The following HHAT variants were observed in gnomAD, a reference collection of about 807,000 sequenced individuals.
HHAT encodes hedgehog acyltransferase.
Under a neutral mutation model 70.8 loss-of-function variants are expected in HHAT, and 47 were observed. That is an observed-to-expected ratio of 0.66 (90% confidence interval 0.53 to 0.85). HHAT has a LOEUF of 0.85. HHAT is among the 40% of genes least tolerant of loss of function. The pLI is 0.00. For missense variants in HHAT, 609 were observed against 604.8 expected (o/e 1.01, Z -0.07); for synonymous variants, 228 against 247.6 (o/e 0.92, Z 0.74).
At chr1:210,581,072 C>T (rs1659159688) in intron 9 of HHAT, among the ~76,000 whole-genome samples, 1 of 152,062 alleles carries the variant, frequency 6.6e-6, no homozygotes, top group Non-Finnish European at 1.5e-5. Context: ...TTCTCTGATG[C>T]TGAGTGATGT....
chr1:210,596,303 T>G (rs1662989653), intron 10 of HHAT, among the ~76,000 whole-genome samples: 1 of 152,202 alleles, frequency 6.6e-6, no homozygotes, highest in African/African-American at 2.4e-5. Context: ...GGTAGTCTTA[T>G]GTGGGTTAAA....
chr1:210,661,617 A>C (rs1317977723), intron 11 of HHAT, among the ~76,000 whole-genome samples: 2 of 152,210 alleles, frequency 1.3e-5, no homozygotes, highest in African/African-American at 2.4e-5. Context: ...TTTATTGCGG[A>C]ACTATTCACA....
At chr1:210,409,194 G>A (rs3765857) in intron 6 of HHAT, among the ~76,000 whole-genome samples, 101,192 of 152,048 alleles carry the variant, frequency 0.67, 34,747 homozygotes, top group African/African-American at 0.84. Context: ...CTCACAACCT[G>A]TGAGAGAGAT....
Position 210,400,569 on chromosome 1 carries a change from C to T in HHAT, c.375C>T (p.Phe125=). 2.5e-6 allele frequency: 4 copies of T among 1,614,134 alleles called. No individual in the cohort carries two copies. The highest frequency in any genetic ancestry group is 3.4e-6 in the Non-Finnish European group (4 of 1,180,016). ...AMVLLHTTIS[F]CVAQFRSQLL... ...TTTTGCTCCATACCACCATCTCTTT[C>T]TGCGTGGCCCAGTTCCGGTCTCAGC... is the stretch of plus-strand genomic sequence containing the variant. Residue 125 remains phenylalanine (F), a synonymous_variant, in exon 5 of 12, where the codon TTC becomes TTT. Transcript: ENST00000261458.
Position 210,591,412 on chromosome 1 carries a change from T to C in HHAT, c.1245+3313T>C, listed in dbSNP as rs536676164. Among the ~76,000 whole-genome samples, 13 of 152,264 alleles carry C rather than the reference T, an allele frequency of 8.5e-5. 1 individual carries two copies. In the South Asian group the frequency reaches 1.9e-3, roughly 22 times the overall value. The stretch of plus-strand genomic sequence containing the variant: ...TTTTTTATGGCTGAATAATACTCCA[T>C]TGTGTATATGTACCACATTGTCTTT... On this transcript the variant is annotated intron_variant, in intron 10 of 11. Coordinates refer to ENST00000261458, the MANE Select transcript of HHAT (RefSeq NM_018194.6).
chr1:210,481,538 C>G (rs1402246097), intron 8 of HHAT, among the ~76,000 whole-genome samples: 1 of 152,078 alleles, frequency 6.6e-6, no homozygotes, highest in Admixed American at 6.6e-5. Flanking sequence ...ATGTGAAAAA[C>G]AAGGCACTAA....
chr1:210,427,866 G>C (rs2093113676), intron 7 of HHAT, among the ~76,000 whole-genome samples: 1 of 152,068 alleles, frequency 6.6e-6, no homozygotes, highest in Non-Finnish European at 1.5e-5. Flanking sequence ...TTTCTGTCTA[G>C]ATGATCTGTC....
intron 7 of HHAT, among the ~76,000 whole-genome samples, chr1:210,427,553 A>C (rs1257499451): frequency 6.6e-6 from 1 of 152,100 alleles, no homozygotes; most frequent in Non-Finnish European, 1.5e-5. Flanking sequence ...CCTTAATTTC[A>C]TCATTTACCC....
intron 8 of HHAT, among the ~76,000 whole-genome samples, chr1:210,474,335 G>A (rs1374030196): frequency 6.6e-6 from 1 of 152,128 alleles, no homozygotes; most frequent in African/African-American, 2.4e-5. Context: ...CTGTTGCCGA[G>A]GCTAGATTGC....
intron 3 of HHAT, chr1:210,374,176 A>T (rs575463378): frequency 2.4e-3 from 367 of 152,340 alleles, no homozygotes; most frequent in African/African-American, 8.4e-3. Flanking sequence ...GGCAAGGCTT[A>T]CAAAAAATTA....
chr1:210,418,199 C>T lies in HHAT; in HGVS notation c.730C>T (p.Leu244=). 2 of 1,614,154 alleles carry T rather than the reference C, an allele frequency of 1.2e-6. No individual in the cohort carries two copies. The highest frequency in any genetic ancestry group is 2.2e-5 in the South Asian group (2 of 91,080). The change falls in exon 7 of 12, where the codon CTG becomes TTG. Residue 244 remains leucine, a synonymous_variant. Coordinates refer to ENST00000261458, the MANE Select transcript of HHAT (RefSeq NM_018194.6). ...HDSLKASLCV[L]ALGLGRLLCW... is the part of the protein sequence containing the mutation. ...CTCCCTGAAGGCCAGCCTGTGTGTC[C>T]TGGCCCTGGGGCTGGGCCGCCTTCT...
In HHAT at chr1:210,495,778, C is replaced by T. The variant is rs371940061; in HGVS notation, c.1008-17375C>T. ...ATCCCAGTGCTTTGGGTGGCCGAGG[C>T]GGGCAGATCGCCTGAGGTCAGGAGT... On this transcript the variant is annotated intron_variant, in intron 8 of 11. Transcript: ENST00000261458. Among the ~76,000 whole-genome samples, 101 of 152,088 alleles carry T rather than the reference C, an allele frequency of 6.6e-4. 2 individuals are homozygous for T. In the South Asian group the frequency reaches 0.011, roughly 17 times the overall value.
At chr1:210,411,238 C>T (rs1044796955) in intron 6 of HHAT, among the ~76,000 whole-genome samples, 9 of 152,170 alleles carry the variant, frequency 5.9e-5, no homozygotes, top group African/African-American at 1.7e-4. Flanking sequence ...TCTCCACTCC[C>T]TGGGATGGGG....
At chr1:210,628,624 A>C (rs1670282660) in intron 11 of HHAT, among the ~76,000 whole-genome samples, 1 of 152,152 alleles carries the variant, frequency 6.6e-6, no homozygotes, top group South Asian at 2.1e-4. Flanking sequence ...TTCCCTCTAG[A>C]TTGCAATGAG....
At chr1:210,592,104 C>CTAACTCCAGTGTCCTGGCAAG (rs1661847605) in intron 10 of HHAT, among the ~76,000 whole-genome samples, 2 of 152,082 alleles carry the variant, frequency 1.3e-5, no homozygotes. Context: ...GAATTATTTG[C>CTAACTCCAGTGTCCTGGCAAG]TAACTCCAGT....
intron 11 of HHAT, 46 bp from the exon 12 acceptor site, chr1:210,674,242 C>T (rs770094562): frequency 6.6e-6 from 10 of 1,513,168 alleles, no homozygotes; most frequent in Non-Finnish European, 9.2e-7. Context: ...GATGTCCTGC[C>T]CCAAGCATTT....
chr1:210,641,908 A>C (rs1673045090), intron 11 of HHAT, among the ~76,000 whole-genome samples: 1 of 152,352 alleles, frequency 6.6e-6, no homozygotes, highest in East Asian at 1.9e-4. Context: ...TTCCACAAGC[A>C]AACTTCAGGT....
At chr1:210,630,448 C>A (rs1161232481) in intron 11 of HHAT, among the ~76,000 whole-genome samples, 1 of 152,176 alleles carries the variant, frequency 6.6e-6, no homozygotes, top group Non-Finnish European at 1.5e-5. Context: ...GTGCCACTAG[C>A]CTCCTTAAAA....
At chr1:210,459,285 A>G (rs2093931501) in intron 7 of HHAT, among the ~76,000 whole-genome samples, 1 of 152,168 alleles carries the variant, frequency 6.6e-6, no homozygotes. Context: ...CTCAGAGCTG[A>G]CTGTATACAC....
Sources: allele counts gnomAD v4.1 joint callset (sites outside exome capture counted in the v4.1 genomes callset), GRCh38; gene constraint gnomAD v4.1.1; transcripts MANE v1.5; gene names NCBI Gene and HGNC (gene_info 2026-07-23, HGNC 2026-07-21).